Variants in CNTN1 observed in about 807,000 individuals in gnomAD.
The protein encoded by CNTN1 is contactin 1.
A neutral mutation model predicts 126.4 loss-of-function variants in CNTN1; 38 were observed. That is an observed-to-expected ratio of 0.30 (90% CI 0.23 to 0.39). The LOEUF (loss-of-function observed/expected upper bound fraction) is 0.39. Ranked by LOEUF, CNTN1 falls within the 10% of genes least tolerant of loss-of-function variation. The pLI, the probability that CNTN1 is intolerant of heterozygous loss-of-function variation, is 1.00. For synonymous variants in CNTN1, 413 were observed against 422.6 expected, an observed-to-expected ratio of 0.98 and a Z score of 0.28; for missense variants, 1,009 against 1,248.4, an observed-to-expected ratio of 0.81 and a Z score of 2.89.
At chr12:40,796,550 G>A (rs1310883900) in intron 1 of CNTN1, among the ~76,000 whole-genome samples, 1 of 152,056 alleles carries the variant, frequency 6.6e-6, no homozygotes, top group African/African-American at 2.4e-5. Flanking sequence ...GAACAACAGG[G>A]CTGACAAAGA....
intron 1 of CNTN1, among the ~76,000 whole-genome samples, chr12:40,699,748 C>T (rs1941547758): frequency 6.8e-6 from 1 of 146,568 alleles, no homozygotes; most frequent in African/African-American, 2.5e-5. Context: ...TGGTTATCCA[C>T]ATTTACAGAT....
chr12:41,071,263 G>A lies in CNTN1; in HGVS notation c.*1228G>A, dbSNP rs1264676744. ...CCGATGGTGTCTCCCAAGTGTTGGT[G>A]CTTTGGGTTTTTATAAGTTGTGAAA... On this transcript the variant is annotated 3_prime_UTR_variant, in exon 24 of 24. Transcript: ENST00000551295. The A allele has an allele frequency of 1.3e-5, 2 of 152,096 alleles. No homozygotes were observed. Among genetic ancestry groups the A allele is most frequent in the African/African-American group, 4.8e-5 (2 of 41,420 alleles). The allele number at this position is 152,096 out of a possible 1,614,324, so 9.4% of individuals were successfully genotyped here. A position where few individuals can be genotyped will look rare whatever the true frequency, so the allele number is the denominator to read the frequency against.
intron 20 of CNTN1, among the ~76,000 whole-genome samples, chr12:41,021,832 A>G (rs1309591956): frequency 6.6e-6 from 1 of 152,096 alleles, no homozygotes; most frequent in Non-Finnish European, 1.5e-5. Context: ...GAAAGAGAGA[A>G]ATTCACTAGA....
intron 15 of CNTN1, among the ~76,000 whole-genome samples, chr12:40,980,636 A>G (rs555407712): frequency 6.6e-6 from 1 of 152,190 alleles, no homozygotes. Context: ...CCAATTGCAT[A>G]TAATGAGTCA....
At chr12:40,861,073 A>G (rs549685848) in intron 1 of CNTN1, among the ~76,000 whole-genome samples, 1 of 152,254 alleles carries the variant, frequency 6.6e-6, no homozygotes, top group Admixed American at 6.6e-5. Context: ...CAATTCAGAA[A>G]TTATCACTGT....
intron 1 of CNTN1, among the ~76,000 whole-genome samples, chr12:40,742,702 G>T (rs947221035): frequency 1.3e-5 from 2 of 151,884 alleles, no homozygotes; most frequent in Non-Finnish European, 2.9e-5. Context: ...TATTCCTAGA[G>T]ACCTGTCAGC....
intron 1 of CNTN1, among the ~76,000 whole-genome samples, chr12:40,751,172 G>A (rs1288067185): frequency 2.0e-5 from 3 of 152,080 alleles, no homozygotes; most frequent in African/African-American, 7.2e-5. Context: ...GGAAGTTATT[G>A]ATTATCTAAC....
At chr12:41,021,529 G>T (rs1364548251) in intron 20 of CNTN1, among the ~76,000 whole-genome samples, 1 of 151,602 alleles carries the variant, frequency 6.6e-6, no homozygotes, top group Non-Finnish European at 1.5e-5. Context: ...AATGAAGTAT[G>T]ATTAAATAAA....
intron 15 of CNTN1, among the ~76,000 whole-genome samples, chr12:40,973,716 TG>T (rs1471228918): frequency 1.3e-5 from 2 of 152,132 alleles, no homozygotes; most frequent in Non-Finnish European, 2.9e-5. Context: ...TCAGTAGTTT[TG>T]GGGGGTTTAT....
chr12:41,045,456 AG>A (rs1949521224), intron 23 of CNTN1, among the ~76,000 whole-genome samples: 1 of 152,200 alleles, frequency 6.6e-6, no homozygotes, highest in Non-Finnish European at 1.5e-5. Context: ...AAAACCATTT[AG>A]AAAGGAAAGT....
At chr12:40,725,401 C>CAAAAAAAAAAAAAAAAAAAAAAGAAA (rs1942325662) in intron 1 of CNTN1, among the ~76,000 whole-genome samples, 1 of 45,334 alleles carries the variant, frequency 2.2e-5, no homozygotes, top group Non-Finnish European at 4.0e-5. Context: ...AACTCTGTCT[C>CAAAAAAAAAAAAAAAAAAAAAAGAAA]AAAAAAAAAA....
chr12:40,816,677 T>C lies in CNTN1; in HGVS notation c.-76-91680T>C, dbSNP rs185733771. ...TCTCTGATCTTATTTATTTCTTGTC[T>C]TCTGGCAGCTTTTGGATTCTTTTGC... On this transcript the variant is annotated intron_variant, in intron 1 of 23. Transcript: ENST00000551295. 3.0e-4 allele frequency among the ~76,000 whole-genome samples: 46 copies of C among 152,272 alleles called. No homozygotes were observed. The East Asian group carries it at 6.0e-3, about 20-fold the overall frequency.
chr12:40,970,573 G>A (rs1275983511), intron 15 of CNTN1, among the ~76,000 whole-genome samples: 1 of 152,096 alleles, frequency 6.6e-6, no homozygotes, highest in African/African-American at 2.4e-5. Context: ...TTAGTTATGC[G>A]TAGGGGAATG....
At chr12:40,800,863 C>T (rs1318572798) in intron 1 of CNTN1, among the ~76,000 whole-genome samples, 1 of 151,920 alleles carries the variant, frequency 6.6e-6, no homozygotes, top group Non-Finnish European at 1.5e-5. Context: ...TTAGGTTGAG[C>T]ATGAGCAGGA....
At chr12:40,858,808 C>A (rs1290896049) in intron 1 of CNTN1, among the ~76,000 whole-genome samples, 3 of 152,048 alleles carry the variant, frequency 2.0e-5, no homozygotes, top group East Asian at 3.9e-4. Flanking sequence ...TAAGAAGGAA[C>A]AAGATCATGT....
chr12:40,880,358 A>G (rs1943829658), intron 1 of CNTN1, among the ~76,000 whole-genome samples: 1 of 152,016 alleles, frequency 6.6e-6, no homozygotes, highest in African/African-American at 2.4e-5. Flanking sequence ...GGGATGTAGG[A>G]GAATATTCTT....
intron 1 of CNTN1, among the ~76,000 whole-genome samples, chr12:40,857,771 C>A (rs1232703266): frequency 6.6e-6 from 1 of 152,176 alleles, no homozygotes; most frequent in Non-Finnish European, 1.5e-5. Context: ...TCTGCATACA[C>A]AGCCCTTCAT....
chr12:40,755,645 G>T (rs1938579687), intron 1 of CNTN1, among the ~76,000 whole-genome samples: 1 of 152,040 alleles, frequency 6.6e-6, no homozygotes, highest in Admixed American at 6.6e-5. Context: ...AGGAGTTTGA[G>T]ATTACAGTGA....
intron 3 of CNTN1, among the ~76,000 whole-genome samples, chr12:40,916,758 G>A (rs1406329179): frequency 1.3e-5 from 2 of 151,914 alleles, no homozygotes; most frequent in Admixed American, 6.6e-5. Context: ...GAGTCCTTAG[G>A]ACATATGCTC....
Sources: gnomAD v4.1 joint callset for allele counts (sites outside exome capture counted in the v4.1 genomes callset) on GRCh38, gnomAD v4.1.1 for gene constraint, MANE v1.5 for transcripts, NCBI Gene and HGNC (gene_info 2026-07-23, HGNC 2026-07-21) for gene names.